ADGRL3: variants seen among roughly 807,000 people sequenced by gnomAD.
The protein encoded by ADGRL3 is calcium-independent alpha-latrotoxin receptor 3.
A neutral mutation model predicts 153.5 loss-of-function variants in ADGRL3; 62 were observed. The ratio of observed to expected loss-of-function variants is 0.40; its 90% CI spans 0.33 to 0.50. ADGRL3 has a LOEUF of 0.50. ADGRL3 is among the 20% of genes least tolerant of loss of function. ADGRL3 has a pLI of 0.47. For missense variants in ADGRL3, 1,641 were observed against 1,859.4 expected, an observed-to-expected ratio of 0.88 and a Z score of 2.16; for synonymous variants, 710 against 672.5, an observed-to-expected ratio of 1.06 and a Z score of -0.86.
At chr4:61,372,839 C>A (rs894502372) in intron 1 of ADGRL3, among the ~76,000 whole-genome samples, 7 of 152,180 alleles carry the variant, frequency 4.6e-5, no homozygotes, top group African/African-American at 1.7e-4. Context: ...TCGCTGCCGC[C>A]TTGCAGTTTG....
At chr4:61,239,745 A>C (rs1754204196) in intron 1 of ADGRL3, among the ~76,000 whole-genome samples, 1 of 152,132 alleles carries the variant, frequency 6.6e-6, no homozygotes, top group Admixed American at 6.6e-5. Flanking sequence ...AAATTTTAGC[A>C]TGAAGAGAAA....
At chr4:61,790,520 G>T (rs761141148) in intron 8 of ADGRL3, among the ~76,000 whole-genome samples, 4 of 152,104 alleles carry the variant, frequency 2.6e-5, no homozygotes, top group Non-Finnish European at 5.9e-5. Context: ...TAATAAAATA[G>T]AAACAATTAG....
At chr4:61,660,473 A>G (rs2150563357) in intron 5 of ADGRL3, among the ~76,000 whole-genome samples, 1 of 152,220 alleles carries the variant, frequency 6.6e-6, no homozygotes, top group South Asian at 2.1e-4. Flanking sequence ...ATTTTAAATG[A>G]ATCGATTTTT....
At chr4:61,372,101 C>T in intron 1 of ADGRL3, among the ~76,000 whole-genome samples, 1 of 152,054 alleles carries the variant, frequency 6.6e-6, no homozygotes, top group Non-Finnish European at 1.5e-5. Flanking sequence ...AAGCACTTCT[C>T]TGTATTGGTT....
chr4:61,462,492 T>C (rs2097833914), intron 2 of ADGRL3, among the ~76,000 whole-genome samples: 1 of 152,086 alleles, frequency 6.6e-6, no homozygotes, highest in African/African-American at 2.4e-5. Flanking sequence ...GACTGGGTGG[T>C]GATCTTCTGG....
At chr4:61,406,331 A>T (rs957222016) in intron 2 of ADGRL3, among the ~76,000 whole-genome samples, 1 of 151,998 alleles carries the variant, frequency 6.6e-6, no homozygotes, top group Non-Finnish European at 1.5e-5. Context: ...CTGTAAAAAA[A>T]AGTTGGGTGT....
At chr4:61,855,445 G>A (rs1444085168) in intron 9 of ADGRL3, among the ~76,000 whole-genome samples, 1 of 152,134 alleles carries the variant, frequency 6.6e-6, no homozygotes, top group Non-Finnish European at 1.5e-5. Context: ...ATGTTTGCTT[G>A]TTTTTCCACA....
intron 4 of ADGRL3, among the ~76,000 whole-genome samples, chr4:61,539,789 G>A (rs2098679562): frequency 6.6e-6 from 1 of 152,106 alleles, no homozygotes; most frequent in African/African-American, 2.4e-5. Context: ...TGTTGCAGGG[G>A]TAAGGGGAGC....
chr4:61,850,938 C>A (rs997143991), intron 9 of ADGRL3, among the ~76,000 whole-genome samples: 5 of 152,098 alleles, frequency 3.3e-5, no homozygotes, highest in African/African-American at 1.2e-4. Flanking sequence ...CAAATGCAAT[C>A]ATCTTCCCCA....
chr4:61,892,654 A>G lies in ADGRL3; in HGVS notation c.1481-2A>G, dbSNP rs892578185. On this transcript the variant is annotated splice_acceptor_variant, in intron 9 of 26. Coordinates refer to ENST00000683033, the MANE Select transcript of ADGRL3 (RefSeq NM_001387552.1). LOFTEE classifies it high-confidence loss of function. ...GGTGTTTTCTTTCTAATTTTATTTC[A>G]GATATCTCTACCACAGGACCTCTTG... The G allele has an allele frequency of 1.2e-6, 2 of 1,612,472 alleles. No homozygotes were observed. Among genetic ancestry groups the G allele is most frequent in the African/African-American group, 2.7e-5 (2 of 74,864 alleles).
chr4:61,461,636 T>C (rs2097820593), intron 2 of ADGRL3, among the ~76,000 whole-genome samples: 1 of 152,216 alleles, frequency 6.6e-6, no homozygotes, highest in Non-Finnish European at 1.5e-5. Context: ...ATAAATTTTA[T>C]GTCACAGAAA....
rs151051413 is a variant in ADGRL3 at position 61,879,074 on chromosome 4, G to T, written c.1481-13582G>T. On this transcript the variant is annotated intron_variant, in intron 9 of 26. Transcript: ENST00000683033. ...TTGAAATATCATAGAGTAGGCAAGA[G>T]AATTTGAAGAAATATTTTTCTCTCT... Among the ~76,000 whole-genome samples the T allele has an allele frequency of 2.8e-3, 426 of 152,238 alleles. 3 individuals carry two copies. Among genetic ancestry groups the T allele is most frequent in the African/African-American group, 9.8e-3 (405 of 41,526 alleles).
intron 2 of ADGRL3, among the ~76,000 whole-genome samples, chr4:61,413,203 T>A (rs928374706): frequency 2.0e-5 from 3 of 152,190 alleles, no homozygotes; most frequent in African/African-American, 7.2e-5. Context: ...GGCTCCTCAC[T>A]AGGCCTCTAC....
intron 5 of ADGRL3, among the ~76,000 whole-genome samples, chr4:61,646,894 T>C (rs1347625299): frequency 6.6e-6 from 1 of 152,190 alleles, no homozygotes; most frequent in Non-Finnish European, 1.5e-5. Context: ...CGAATTGCAG[T>C]TTGATCTTAG....
At chr4:61,920,855 T>C (rs1188680629) in intron 13 of ADGRL3, among the ~76,000 whole-genome samples, 1 of 152,196 alleles carries the variant, frequency 6.6e-6, no homozygotes, top group Non-Finnish European at 1.5e-5. Context: ...CCTATTTGCA[T>C]GGTTAAATAC....
chr4:61,866,055 A>G lies in ADGRL3; in HGVS notation c.1481-26601A>G, dbSNP rs781178404. On this transcript the variant is annotated intron_variant, in intron 9 of 26. Coordinates refer to ENST00000683033, the MANE Select transcript of ADGRL3 (RefSeq NM_001387552.1). ...TTTGTGCTCCTGGGAATCCAGTTGT[A>G]TACCTTTTCTGTGGATATCACAGAC... 5.3e-5 allele frequency among the ~76,000 whole-genome samples: 8 copies of G among 152,160 alleles called. No homozygotes were observed. The South Asian group carries it at 6.2e-4, about 12-fold the overall frequency.
Position 62,027,172 on chromosome 4 carries a change from A to G in ADGRL3, c.3396-1683A>G, listed in dbSNP as rs182340939. Among the ~76,000 whole-genome samples, 401 of 152,190 alleles carry G rather than the reference A, an allele frequency of 2.6e-3. 1 individual carries two copies. Among genetic ancestry groups the G allele is most frequent in the Non-Finnish European group, 4.4e-3 (300 of 67,956 alleles). On this transcript the variant is annotated intron_variant, in intron 21 of 26. Transcript: ENST00000683033. ...TGTTTTATAAATTTTTGATGGTAAT[A>G]TAAGTACAGGATTTTTCTTTCTAGG...
At chr4:61,992,982 C>A (rs1422389395) in intron 19 of ADGRL3, among the ~76,000 whole-genome samples, 1 of 152,034 alleles carries the variant, frequency 6.6e-6, no homozygotes, top group East Asian at 1.9e-4. Context: ...GTAAAATAAT[C>A]TTCTATAGAA....
At chr4:61,653,408 G>A (rs952327203) in intron 5 of ADGRL3, among the ~76,000 whole-genome samples, 1 of 152,066 alleles carries the variant, frequency 6.6e-6, no homozygotes, top group Non-Finnish European at 1.5e-5. Context: ...TGCGTTGTAC[G>A]CCCAAGACAA....
Sources: gnomAD v4.1 joint callset for allele counts (sites outside exome capture counted in the v4.1 genomes callset) on GRCh38, gnomAD v4.1.1 for gene constraint, MANE v1.5 for transcripts, NCBI Gene and HGNC (gene_info 2026-07-23, HGNC 2026-07-21) for gene names.